SCARA3: variants seen among roughly 807,000 people sequenced by gnomAD.
SCARA3 encodes cellular stress response gene protein.
Under a neutral mutation model 47.0 loss-of-function variants are expected in SCARA3, and 39 were observed. The observed-to-expected ratio is 0.83, with a 90% CI of 0.64 to 1.08. The LOEUF (loss-of-function observed/expected upper bound fraction) is 1.08. Ranked by LOEUF, SCARA3 falls within the 50% of genes least tolerant of loss-of-function variation. The pLI is 0.00. For missense variants in SCARA3, 724 were observed against 792.3 expected, an observed-to-expected ratio of 0.91 and a Z score of 1.04; for synonymous variants, 356 against 334.1, an observed-to-expected ratio of 1.07 and a Z score of -0.71.
chr8:27,725,531 A>T, the SCARA3 span, among the ~76,000 whole-genome samples: 1 of 149,344 alleles, frequency 6.7e-6, no homozygotes, highest in Non-Finnish European at 1.5e-5. Context: ...GCCCCCTCCA[A>T]AAAAAAAAAA....
chr8:27,716,890 C>T, the SCARA3 span, among the ~76,000 whole-genome samples: 830 of 152,332 alleles, frequency 5.4e-3, 10 homozygotes, highest in African/African-American at 0.019. Flanking sequence ...AACAAATCCA[C>T]ATCATGTGAA....
At chr8:27,683,493 A>C in the SCARA3 span, among the ~76,000 whole-genome samples, 357 of 152,284 alleles carry the variant, frequency 2.3e-3, 9 homozygotes, top group East Asian at 0.05. Flanking sequence ...ATAATATTTT[A>C]CTCAGTAGAA....
downstream of SCARA3, among the ~76,000 whole-genome samples, chr8:27,675,657 G>T (rs1454080371): frequency 6.6e-6 from 1 of 152,188 alleles, no homozygotes; most frequent in Non-Finnish European, 1.5e-5. Flanking sequence ...GGGCAGGGTG[G>T]TGTGCACCTG....
chr8:27,641,762 G>C lies in SCARA3; in HGVS notation c.7+7555G>C, dbSNP rs34189295. Among the ~76,000 whole-genome samples, 6 of 152,310 alleles carry C rather than the reference G, an allele frequency of 3.9e-5. No individual in the cohort carries two copies. The East Asian group carries it at 7.7e-4, about 20-fold the overall frequency. On this transcript the variant is annotated intron_variant, in intron 1 of 5. Coordinates refer to ENST00000301904, the MANE Select transcript of SCARA3 (RefSeq NM_016240.3). ...ACAGCAATAAGCCTTAAGCTCCAGA[G>C]GGCAGGCAGGATGTGTAGAGATGAG...
the SCARA3 span, among the ~76,000 whole-genome samples, chr8:27,707,831 A>AAAT: frequency 6.6e-6 from 1 of 151,696 alleles, no homozygotes; most frequent in Non-Finnish European, 1.5e-5. Flanking sequence ...CAAAAAAAAA[A>AAAT]AAATAAGAAG....
At chr8:27,648,576 C>A (rs112334473) in intron 1 of SCARA3, among the ~76,000 whole-genome samples, 39 of 152,110 alleles carry the variant, frequency 2.6e-4, no homozygotes, top group African/African-American at 8.9e-4. Flanking sequence ...TGCAATCCAG[C>A]CTGGGCGACA....
At chr8:27,676,983 C>T (rs933768926), downstream of SCARA3, among the ~76,000 whole-genome samples, 1 of 152,068 alleles carries the variant, frequency 6.6e-6, no homozygotes, top group African/African-American at 2.4e-5. Context: ...GAGGATGTTC[C>T]CCAAGTTTAC....
chr8:27,654,293 G>C (rs886209487), intron 3 of SCARA3, among the ~76,000 whole-genome samples: 2 of 151,940 alleles, frequency 1.3e-5, no homozygotes, highest in African/African-American at 4.8e-5. Context: ...AATTGTTAGC[G>C]TCACAGCCCC....
chr8:27,647,493 A>G (rs526693), intron 1 of SCARA3, among the ~76,000 whole-genome samples: 27,997 of 152,060 alleles, frequency 0.18, 3,160 homozygotes, highest in Middle Eastern at 0.33. Context: ...CAAATCCTTC[A>G]TTGGTTTATT....
At chr8:27,655,445 T>C (rs1266434573) in intron 3 of SCARA3, among the ~76,000 whole-genome samples, 1 of 152,186 alleles carries the variant, frequency 6.6e-6, no homozygotes, top group African/African-American at 2.4e-5. Flanking sequence ...CCAGGCGTCC[T>C]GCTGCTGCCA....
chr8:27,671,243 G>T lies in SCARA3; in HGVS notation c.1713G>T (p.Gly571=). 6.7e-7 allele frequency: 1 copy of T among 1,499,416 alleles called. No homozygotes were observed. Among genetic ancestry groups the T allele is most frequent in the South Asian group, 1.3e-5 (1 of 75,498 alleles). 92.9% of individuals were successfully genotyped at this position (1,499,416 alleles called of 1,614,324 possible). A position where few individuals can be genotyped will look rare whatever the true frequency, so the allele number is the denominator to read the frequency against. Residue 571 remains glycine (G), a synonymous_variant, in exon 6 of 6, where the codon GGG becomes GGT. Coordinates refer to ENST00000301904, the MANE Select transcript of SCARA3 (RefSeq NM_016240.3). ...QGKPGIAGKT[G]SPGQRGAMGP... ...AACCGGGAATTGCAGGGAAGACAGG[G>T]TCACCAGGCCAGCGGGGGGCCATGG...
chr8:27,708,358 C>T, the SCARA3 span, among the ~76,000 whole-genome samples: 1 of 152,116 alleles, frequency 6.6e-6, no homozygotes, highest in South Asian at 2.1e-4. Context: ...TCATAGCATA[C>T]TACTTGACTC....
At chr8:27,720,696 T>A in the SCARA3 span, among the ~76,000 whole-genome samples, 4 of 148,258 alleles carry the variant, frequency 2.7e-5, no homozygotes, top group African/African-American at 1.0e-4. Context: ...ATCCACCCAT[T>A]CATCCATCCA....
At chr8:27,676,585 A>C, downstream of SCARA3, 1 of 1,588,900 alleles carries the variant, frequency 6.3e-7, no homozygotes, top group Non-Finnish European at 8.6e-7. Context: ...CTTTGTTTTC[A>C]CATAATCGGA....
At chr8:27,678,423 A>T (rs1802310165), downstream of SCARA3, among the ~76,000 whole-genome samples, 1 of 150,802 alleles carries the variant, frequency 6.6e-6, no homozygotes, top group Non-Finnish European at 1.5e-5. Flanking sequence ...TTGACAACTT[A>T]CATGAAAGTG....
intron 4 of SCARA3, 84 bp downstream of exon 4, chr8:27,656,964 C>A: frequency 1.2e-6 from 1 of 849,376 alleles, no homozygotes; most frequent in Non-Finnish European, 2.0e-6. Flanking sequence ...TGCCCCAGCA[C>A]CAAGCAACCT....
downstream of SCARA3, among the ~76,000 whole-genome samples, chr8:27,678,590 ATTC>A (rs1802312896): frequency 3.3e-5 from 5 of 152,222 alleles, no homozygotes; most frequent in Non-Finnish European, 5.9e-5. Context: ...TCACTGATGA[ATTC>A]TGCCAAACAT....
chr8:27,716,892 T>A, the SCARA3 span, among the ~76,000 whole-genome samples: 1 of 152,330 alleles, frequency 6.6e-6, no homozygotes, highest in South Asian at 2.1e-4. Context: ...CAAATCCACA[T>A]CATGTGAAAC....
intron 1 of SCARA3, among the ~76,000 whole-genome samples, chr8:27,648,172 A>G (rs1451192778): frequency 2.0e-5 from 3 of 152,228 alleles, no homozygotes. Flanking sequence ...CACCACTTCT[A>G]TTCTGTGGGC....
Sources: allele counts gnomAD v4.1 joint callset (sites outside exome capture counted in the v4.1 genomes callset), GRCh38; gene constraint gnomAD v4.1.1; transcripts MANE v1.5; gene names NCBI Gene and HGNC (gene_info 2026-07-23, HGNC 2026-07-21).